KATNAL1: variants seen among roughly 807,000 people sequenced by gnomAD.
KATNAL1 encodes the protein katanin catalytic subunit A1 like 1.
In KATNAL1, 32 loss-of-function variants were observed where a neutral mutation model predicts 55.2. The ratio of observed to expected loss-of-function variants is 0.58; its 90% CI spans 0.44 to 0.78. The LOEUF is 0.78. KATNAL1 is among the 30% of genes least tolerant of loss of function. The pLI, the probability that KATNAL1 is intolerant of heterozygous loss-of-function variation, is 0.00. For missense variants in KATNAL1, 466 were observed against 600.9 expected, an observed-to-expected ratio of 0.78 and a Z score of 2.35; for synonymous variants, 193 against 193.6, an observed-to-expected ratio of 1.00 and a Z score of 0.02.
chr13:30,234,624 T>C (rs930638575), intron 6 of KATNAL1, among the ~76,000 whole-genome samples: 1 of 152,180 alleles, frequency 6.6e-6, no homozygotes, highest in Admixed American at 6.6e-5. Flanking sequence ...AACTCATCCA[T>C]ACCCAGATCA....
intron 3 of KATNAL1, among the ~76,000 whole-genome samples, chr13:30,264,951 T>C (rs1386682985): frequency 4.1e-5 from 6 of 146,216 alleles, no homozygotes; most frequent in Admixed American, 2.1e-4. Context: ...TTATTCACAA[T>C]AGCAAAGACT....
intron 3 of KATNAL1, among the ~76,000 whole-genome samples, chr13:30,278,740 C>T (rs528651925): frequency 4.6e-5 from 7 of 152,302 alleles, no homozygotes; most frequent in African/African-American, 1.7e-4. Flanking sequence ...ATTGTACATA[C>T]ATACAGGAAA....
chr13:30,204,655 C>T lies in KATNAL1; in HGVS notation c.*3885G>A, dbSNP rs1220419934. The stretch of plus-strand genomic sequence containing the variant: ...ATACTGTAAATTTGGGTTGTACACA[C>T]ACATTTTCCCCTGATGTATGTGTAT... On this transcript the variant is annotated 3_prime_UTR_variant, in exon 11 of 11. Coordinates refer to ENST00000380615, the MANE Select transcript of KATNAL1 (RefSeq NM_032116.5). 6.6e-6 allele frequency: 1 copy of T among 152,212 alleles called. No homozygotes were observed. The highest frequency in any genetic ancestry group is 1.5e-5 in the Non-Finnish European group (1 of 68,032). The allele number at this position is 152,212 out of a possible 1,614,324, so 9.4% of individuals were successfully genotyped here.
chr13:30,271,408 T>A (rs894428781), intron 3 of KATNAL1, among the ~76,000 whole-genome samples: 1 of 152,090 alleles, frequency 6.6e-6, no homozygotes, highest in Non-Finnish European at 1.5e-5. Flanking sequence ...GAAACTGGCA[T>A]CTGCTCAGCT....
intron 3 of KATNAL1, among the ~76,000 whole-genome samples, chr13:30,277,705 CG>C (rs1274119349): frequency 6.6e-6 from 1 of 152,072 alleles, no homozygotes; most frequent in Non-Finnish European, 1.5e-5. Context: ...TAATTCAGGC[CG>C]GGCACGGTGG....
chr13:30,227,272 G>T, intron 9 of KATNAL1, 140 bp downstream of exon 9: 2 of 647,438 alleles, frequency 3.1e-6, no homozygotes, highest in Non-Finnish European at 5.1e-6. Flanking sequence ...GAGTACTGTG[G>T]CCTGTGTTCA....
chr13:30,288,740 CAA>C lies in KATNAL1; in HGVS notation c.-14-4951_-14-4950del, dbSNP rs143048938. Among the ~76,000 whole-genome samples the C allele has an allele frequency of 8.8e-3, 1,336 of 152,248 alleles. 7 individuals are homozygous for C. The highest frequency in any genetic ancestry group is 0.028 in the South Asian group (133 of 4,824). On this transcript the variant is annotated intron_variant, in intron 1 of 10. Transcript: ENST00000380615. Reference sequence around the variant, plus strand: ...AAAATTTCAATCTCACTTCTAAATTCAAAAGTTTGCAATAAAGCCTTACAACT... The same window carrying C: ...AAAATTTCAATCTCACTTCTAAATTCAAGTTTGCAATAAAGCCTTACAACT...
intron 6 of KATNAL1, among the ~76,000 whole-genome samples, chr13:30,237,765 C>A (rs895102727): frequency 6.6e-6 from 1 of 152,122 alleles, no homozygotes; most frequent in Non-Finnish European, 1.5e-5. Context: ...CCAGAAGCAC[C>A]CCCTGCTCCT....
chr13:30,299,672 A>T (rs1882742530), intron 1 of KATNAL1, among the ~76,000 whole-genome samples: 1 of 152,190 alleles, frequency 6.6e-6, no homozygotes, highest in Non-Finnish European at 1.5e-5. Context: ...AATGTCTCTT[A>T]TTTTGAGATT....
At chr13:30,302,441 G>GA (rs34935225) in intron 1 of KATNAL1, among the ~76,000 whole-genome samples, 36,531 of 147,894 alleles carry the variant, frequency 0.25, 5,395 homozygotes, top group South Asian at 0.33. Flanking sequence ...AAGTAGGTCA[G>GA]AAAAAAAAAA....
intron 9 of KATNAL1, among the ~76,000 whole-genome samples, chr13:30,216,363 C>T (rs990514280): frequency 5.3e-5 from 8 of 152,146 alleles, no homozygotes; most frequent in Non-Finnish European, 1.0e-4. Context: ...CTCCACTTCT[C>T]CTGGAGCGGG....
chr13:30,224,191 G>A (rs1875207812), intron 9 of KATNAL1, among the ~76,000 whole-genome samples: 1 of 151,976 alleles, frequency 6.6e-6, no homozygotes, highest in African/African-American at 2.4e-5. Flanking sequence ...AAATTTGTGA[G>A]ATAAAAGCAA....
intron 9 of KATNAL1, among the ~76,000 whole-genome samples, chr13:30,222,118 A>G (rs1874932532): frequency 6.6e-6 from 1 of 152,216 alleles, no homozygotes; most frequent in African/African-American, 2.4e-5. Context: ...AATGAGATTA[A>G]CATTTAAATT....
rs766049397 is a variant in KATNAL1, at chr13:30,233,611, A to AAG, written c.727-2140_727-2139insCT. ...CGGGAATATATACAAAAAAAAAAAA[A>AAG]GAAATCGATATGTCGAAGAATTATT... On this transcript the variant is annotated intron_variant, in intron 6 of 10. Transcript: ENST00000380615. 4.0e-5 allele frequency among the ~76,000 whole-genome samples: 6 copies of AAG among 150,984 alleles called. No homozygotes were observed. The East Asian group carries it at 5.8e-4, about 15-fold the overall frequency.
chr13:30,243,856 G>C (rs1233816177), intron 4 of KATNAL1, among the ~76,000 whole-genome samples: 3 of 152,088 alleles, frequency 2.0e-5, no homozygotes, highest in African/African-American at 7.2e-5. Flanking sequence ...CCTCTCACTT[G>C]CCTAATTTAT....
At position 30,207,540 on chromosome 13, in the gene KATNAL1, G is replaced by C. The variant is rs1873262312; in HGVS notation, c.*1000C>G. The C allele has an allele frequency of 6.6e-6, 1 of 152,172 alleles. No individual in the cohort carries two copies. Among genetic ancestry groups the C allele is most frequent in the African/African-American group, 2.4e-5 (1 of 41,444 alleles). The allele number at this position is 152,172 out of a possible 1,614,324, so 9.4% of individuals were successfully genotyped here. On this transcript the variant is annotated 3_prime_UTR_variant, in exon 11 of 11. Coordinates refer to ENST00000380615, the MANE Select transcript of KATNAL1 (RefSeq NM_032116.5). ...TCTCAAATACTAAAATCAAACTCAA[G>C]AAAAATCAAACAATGCTGGAGCTGA...
intron 1 of KATNAL1, among the ~76,000 whole-genome samples, chr13:30,291,784 C>T (rs1882148706): frequency 6.6e-6 from 1 of 151,992 alleles, no homozygotes; most frequent in African/African-American, 2.4e-5. Context: ...GCCTGTAATC[C>T]CAGCACTTTG....
chr13:30,283,506 A>G, intron 2 of KATNAL1, 110 bp downstream of exon 2: 1 of 837,064 alleles, frequency 1.2e-6, no homozygotes, highest in Non-Finnish European at 1.8e-6. Flanking sequence ...ATTGAGATAA[A>G]TAGGCACTAT....
chr13:30,241,163 A>G (rs1317515736), intron 4 of KATNAL1, 77 bp from the exon 5 acceptor site: 2 of 1,224,206 alleles, frequency 1.6e-6, no homozygotes, highest in Non-Finnish European at 2.3e-6. Context: ...TGAAAACATT[A>G]TAATGCCATC....
Sources: gnomAD v4.1 joint callset for allele counts (sites outside exome capture counted in the v4.1 genomes callset) on GRCh38, gnomAD v4.1.1 for gene constraint, MANE v1.5 for transcripts, NCBI Gene and HGNC (gene_info 2026-07-23, HGNC 2026-07-21) for gene names.